The following C1QTNF3 variants were observed in gnomAD, a reference collection of about 807,000 sequenced individuals.
C1QTNF3 encodes the protein C1q and TNF related 3.
C1QTNF3 carries 26 observed loss-of-function variants against 32.6 expected under a neutral mutation model. The ratio of observed to expected loss-of-function variants is 0.80; its 90% CI spans 0.58 to 1.11. C1QTNF3 has a LOEUF of 1.11. Ranked by LOEUF, C1QTNF3 falls within the 50% of genes least tolerant of loss-of-function variation. The pLI is 0.00. For missense variants in C1QTNF3, 362 were observed against 398.2 expected, an observed-to-expected ratio of 0.91 and a Z score of 0.77; for synonymous variants, 155 against 146.0, an observed-to-expected ratio of 1.06 and a Z score of -0.44.
chr5:34,170,733 T>C, the C1QTNF3 span, among the ~76,000 whole-genome samples: 2 of 152,138 alleles, frequency 1.3e-5, no homozygotes, highest in Non-Finnish European at 2.9e-5. Flanking sequence ...GGTGATAACA[T>C]CTCTCTCCTT....
chr5:34,209,355 ATACCTATT>A, the C1QTNF3 span, among the ~76,000 whole-genome samples: 1 of 151,524 alleles, frequency 6.6e-6, no homozygotes, highest in Non-Finnish European at 1.5e-5. Context: ...AATAATCTGT[ATACCTATT>A]TACCTATAGG....
At chr5:34,163,027 C>T in the C1QTNF3 span, among the ~76,000 whole-genome samples, 314 of 152,202 alleles carry the variant, frequency 2.1e-3, 1 homozygote, top group Non-Finnish European at 4.1e-3. Flanking sequence ...CAGAATGTTC[C>T]TCATACAATG....
the C1QTNF3 span, among the ~76,000 whole-genome samples, chr5:34,062,694 G>A: frequency 1.3e-4 from 20 of 152,270 alleles, no homozygotes; most frequent in East Asian, 3.3e-3. Context: ...TGTCCTGAAG[G>A]GAGTTCCTCC....
intron 1 of C1QTNF3, among the ~76,000 whole-genome samples, chr5:34,041,983 G>T (rs1754882738): frequency 1.3e-5 from 2 of 148,476 alleles, no homozygotes; most frequent in African/African-American, 2.5e-5. Flanking sequence ...AACTCTTCTT[G>T]CCCCCTCTGA....
At chr5:34,185,666 A>G in the C1QTNF3 span, among the ~76,000 whole-genome samples, 18 of 152,020 alleles carry the variant, frequency 1.2e-4, no homozygotes, top group Non-Finnish European at 7.4e-5. Flanking sequence ...ATGAGAGCTG[A>G]AAAAGAAGGC....
chr5:34,154,960 C>T, the C1QTNF3 span, among the ~76,000 whole-genome samples: 1 of 152,112 alleles, frequency 6.6e-6, no homozygotes, highest in Non-Finnish European at 1.5e-5. Flanking sequence ...AAATAAAAAT[C>T]CCGTAAATAT....
the C1QTNF3 span, among the ~76,000 whole-genome samples, chr5:34,186,556 C>T: frequency 4.5e-3 from 671 of 148,504 alleles, no homozygotes; most frequent in African/African-American, 0.016. Context: ...AGCTGGAGTT[C>T]AGTGGCTAGT....
At chr5:34,073,751 A>T in the C1QTNF3 span, among the ~76,000 whole-genome samples, 10 of 152,204 alleles carry the variant, frequency 6.6e-5, no homozygotes, top group South Asian at 1.9e-3. Flanking sequence ...TTCTAAGCAA[A>T]GCTCAGAAAG....
the C1QTNF3 span, among the ~76,000 whole-genome samples, chr5:34,195,553 T>C: frequency 3.0e-4 from 45 of 152,182 alleles, no homozygotes; most frequent in African/African-American, 1.0e-3. Context: ...TCAAAATTCA[T>C]ATGATAGGCC....
At chr5:34,030,262 C>A (rs1465499440) in intron 3 of C1QTNF3, among the ~76,000 whole-genome samples, 1 of 152,148 alleles carries the variant, frequency 6.6e-6, no homozygotes, top group East Asian at 1.9e-4. Context: ...TATGTGTAAT[C>A]TTTTAAGGGA....
At chr5:34,033,118 T>A in intron 3 of C1QTNF3, 186 bp downstream of exon 3, 1 of 595,246 alleles carries the variant, frequency 1.7e-6, no homozygotes, top group East Asian at 3.3e-5. Context: ...AAGAATAGTA[T>A]CTAAGTCCTC....
At chr5:34,225,664 A>AT in the C1QTNF3 span, among the ~76,000 whole-genome samples, 7 of 151,014 alleles carry the variant, frequency 4.6e-5, no homozygotes, top group African/African-American at 1.2e-4. Context: ...CATAGTCTAA[A>AT]TTTTTTTTTA....
chr5:34,132,497 G>A, the C1QTNF3 span, among the ~76,000 whole-genome samples: 1 of 147,706 alleles, frequency 6.8e-6, no homozygotes, highest in Admixed American at 6.8e-5. Context: ...TTTAACAGGT[G>A]CAAACGTTTA....
chr5:34,194,952 T>A, the C1QTNF3 span, among the ~76,000 whole-genome samples: 1 of 151,120 alleles, frequency 6.6e-6, no homozygotes, highest in Admixed American at 6.6e-5. Flanking sequence ...CTTTACATGT[T>A]CAGTACAGAC....
At chr5:34,201,004 C>T in the C1QTNF3 span, 2 of 152,000 alleles carry the variant, frequency 1.3e-5, no homozygotes, top group Admixed American at 6.6e-5. Context: ...GCAAGAATCT[C>T]TTTGTCTTTA....
In C1QTNF3 at chr5:34,017,920, A is replaced by C. The variant is rs959725290; in HGVS notation, c.*2663T>G. 1.1e-4 allele frequency among the ~76,000 whole-genome samples: 3 copies of C among 26,502 alleles called. No homozygotes were observed. Among genetic ancestry groups the C allele is most frequent in the African/African-American group, 7.2e-4 (3 of 4,150 alleles). The allele number at this position is 26,502 out of a possible 152,430, so 17.4% of individuals were successfully genotyped here. A position where few individuals can be genotyped will look rare whatever the true frequency, so the allele number is the denominator to read the frequency against. On this transcript the variant is annotated 3_prime_UTR_variant, in exon 6 of 6. Coordinates refer to ENST00000382065, the MANE Select transcript of C1QTNF3 (RefSeq NM_181435.6). ...TGCTCATGACATATTATTTGTAATA[A>C]AAAAAAAATAATATTTTCCAAAACA...
the C1QTNF3 span, among the ~76,000 whole-genome samples, chr5:34,117,436 T>C: frequency 3.9e-5 from 6 of 152,132 alleles, no homozygotes; most frequent in Non-Finnish European, 8.8e-5. Context: ...AGTGGGCCCA[T>C]AGGTGTTACA....
the C1QTNF3 span, among the ~76,000 whole-genome samples, chr5:34,056,497 G>T: frequency 2.0e-3 from 253 of 129,518 alleles, no homozygotes; most frequent in African/African-American, 4.5e-3. Context: ...GAGAGAGAGA[G>T]AGAGAGAGAG....
the C1QTNF3 span, among the ~76,000 whole-genome samples, chr5:34,225,119 C>A: frequency 6.6e-6 from 1 of 151,860 alleles, no homozygotes; most frequent in Non-Finnish European, 1.5e-5. Context: ...CTTCCAAATG[C>A]CAAATCATCA....
Sources: allele counts gnomAD v4.1 joint callset (sites outside exome capture counted in the v4.1 genomes callset), GRCh38; gene constraint gnomAD v4.1.1; transcripts MANE v1.5; gene names NCBI Gene and HGNC (gene_info 2026-07-23, HGNC 2026-07-21).